DDX1: variants seen among roughly 807,000 people sequenced by gnomAD.
DDX1 encodes ATP-dependent RNA helicase DDX1.
Under a neutral mutation model 108.7 loss-of-function variants are expected in DDX1, and 28 were observed. That is an observed-to-expected ratio of 0.26 (90% CI 0.19 to 0.35). The LOEUF (loss-of-function observed/expected upper bound fraction) is 0.35. Among genes scored for constraint, DDX1 ranks in the 10% least tolerant of loss-of-function variants. The pLI is 1.00. For synonymous variants in DDX1, 295 were observed against 288.9 expected, an observed-to-expected ratio of 1.02 and a Z score of -0.21; for missense variants, 710 against 884.5, an observed-to-expected ratio of 0.80 and a Z score of 2.50.
intron 1 of DDX1, among the ~76,000 whole-genome samples, chr2:15,593,814 T>G (rs1157825390): frequency 6.6e-6 from 1 of 151,996 alleles, no homozygotes; most frequent in Non-Finnish European, 1.5e-5. Context: ...CAGTGGCTTA[T>G]GCCTGTAATC....
rs1334787568 is a variant in DDX1 at position 15,592,900 on chromosome 2, A to AT, written c.16+959dup. Among the ~76,000 whole-genome samples the AT allele has an allele frequency of 8.9e-5, 4 of 44,736 alleles. No homozygotes were observed. The East Asian group carries it at 4.8e-3, about 54-fold the overall frequency. 29.3% of individuals were successfully genotyped at this position (44,736 alleles called of 152,430 possible). A position where few individuals can be genotyped will look rare whatever the true frequency, so the allele number is the denominator to read the frequency against. ...TTCCATATCTCCAGTCATGTAAGAT[A>AT]TTTTTTTTCTTTTTTGGGGGGGAGA... is the stretch of plus-strand genomic sequence containing the variant. On this transcript the variant is annotated intron_variant, in intron 1 of 25. Transcript: ENST00000233084.
chr2:15,608,119 A>G (rs552321524), intron 13 of DDX1, among the ~76,000 whole-genome samples: 42 of 152,362 alleles, frequency 2.8e-4, no homozygotes, highest in African/African-American at 8.9e-4. Context: ...GAAGAAGGCT[A>G]TACCATATAA....
intron 7 of DDX1, 113 bp downstream of exon 7, chr2:15,602,744 G>T (rs1665606928): frequency 2.6e-6 from 2 of 769,638 alleles, no homozygotes; most frequent in Non-Finnish European, 4.2e-6. Flanking sequence ...ACGTCGCCCG[G>T]GCTGGAGGGC....
At chr2:15,612,788 C>T (rs1416082291) in intron 13 of DDX1, among the ~76,000 whole-genome samples, 1 of 152,346 alleles carries the variant, frequency 6.6e-6, no homozygotes, top group Admixed American at 6.5e-5. Flanking sequence ...GCGGATCACT[C>T]GCGGTTAGGA....
At position 15,595,631 on chromosome 2, in the gene DDX1, A is replaced by G. The variant is rs1665485102; in HGVS notation, c.132+78A>G. ...TGCATAGGCTTACAAATGCTACTTT[A>G]CCTTTATTCACAAACATTTATGATA... On this transcript the variant is annotated intron_variant, in intron 3 of 25. Coordinates refer to ENST00000233084, the MANE Select transcript of DDX1 (RefSeq NM_004939.3). 8 of 979,822 alleles carry G rather than the reference A, an allele frequency of 8.2e-6. No homozygotes were observed. In the East Asian group the frequency reaches 1.9e-4, roughly 23 times the overall value. 60.7% of individuals were successfully genotyped at this position (979,822 alleles called of 1,614,324 possible). A position where few individuals can be genotyped will look rare whatever the true frequency, so the allele number is the denominator to read the frequency against.
chr2:15,611,714 A>G (rs1354813043), intron 13 of DDX1, among the ~76,000 whole-genome samples: 4 of 99,252 alleles, frequency 4.0e-5, no homozygotes, highest in Admixed American at 1.9e-4. Flanking sequence ...TCCCTCCCGG[A>G]CGGGGCGACT....
chr2:15,611,493 G>T, intron 13 of DDX1, among the ~76,000 whole-genome samples: 1 of 144,860 alleles, frequency 6.9e-6, no homozygotes, highest in Admixed American at 6.8e-5. Flanking sequence ...TCCCGGACGG[G>T]GCGGCTGGCC....
At chr2:15,628,265 T>G (rs1474369851) in intron 20 of DDX1, among the ~76,000 whole-genome samples, 180 bp from the exon 21 acceptor site, 1 of 152,228 alleles carries the variant, frequency 6.6e-6, no homozygotes, top group Non-Finnish European at 1.5e-5. Flanking sequence ...ATGTCATGTT[T>G]CAGCAGATCA....
At chr2:15,605,691 G>A (rs907301311) in intron 10 of DDX1, among the ~76,000 whole-genome samples, 61 of 152,202 alleles carry the variant, frequency 4.0e-4, no homozygotes, top group African/African-American at 1.4e-3. Context: ...GTGTTTTACT[G>A]TGAGAGTATG....
At chr2:15,606,287 G>T in intron 12 of DDX1, 23 bp downstream of exon 12, 1 of 1,531,146 alleles carries the variant, frequency 6.5e-7, no homozygotes, top group South Asian at 1.1e-5. Context: ...CAAGGGTAAG[G>T]ATTTCTAGAA....
Position 15,595,151 on chromosome 2 carries a change from G to A in DDX1, c.23G>A (p.Gly8Asp). 6.2e-7 allele frequency: 1 copy of A among 1,610,614 alleles called. No individual in the cohort carries two copies. Among genetic ancestry groups the A allele is most frequent in the Non-Finnish European group, 8.5e-7 (1 of 1,178,176 alleles). Reference sequence around the variant, plus strand: ...AATTAATTTTTACTTTCAGAGATGGGTGTAATGCCTGAGATTGCACAAGCT... The same window carrying A: ...AATTAATTTTTACTTTCAGAGATGGATGTAATGCCTGAGATTGCACAAGCT... The part of the protein sequence containing the change: MAAFSEM[G>D]VMPEIAQAVE... The change falls in exon 2 of 26, where the codon GGT becomes GAT. Residue 8 changes from glycine to aspartate, a missense_variant. This residue lies in a region of DDX1 where 48 missense variants were observed against 57.5 expected (regional missense o/e 0.83). Transcript: ENST00000233084.
At chr2:15,629,005 A>G (rs574834305) in intron 23 of DDX1, among the ~76,000 whole-genome samples, 166 bp downstream of exon 23, 1 of 152,332 alleles carries the variant, frequency 6.6e-6, no homozygotes, top group African/African-American at 2.4e-5. Context: ...ATGGACAAAT[A>G]ATAGGGTGAA....
chr2:15,607,682 A>G (rs1665687703), intron 13 of DDX1, among the ~76,000 whole-genome samples: 1 of 152,002 alleles, frequency 6.6e-6, no homozygotes, highest in South Asian at 2.1e-4. Context: ...GACCTCCTGG[A>G]CTCAAGCAGT....
At chr2:15,595,035 ACTGAGCTATC>A in intron 1 of DDX1, 100 bp from the exon 2 acceptor site, 1 of 780,764 alleles carries the variant, frequency 1.3e-6, no homozygotes, top group African/African-American at 1.8e-5. Context: ...ATTTGATGTA[ACTGAGCTATC>A]CTTCAAAATC....
chr2:15,614,001 G>A (rs59734551), intron 14 of DDX1, among the ~76,000 whole-genome samples: 36,665 of 151,786 alleles, frequency 0.24, 5,484 homozygotes, highest in African/African-American at 0.43. Flanking sequence ...CATGTTGGCT[G>A]ATTTTTTTGT....
intron 15 of DDX1, 126 bp from the exon 16 acceptor site, chr2:15,618,054 TG>T: frequency 1.9e-6 from 1 of 514,574 alleles, no homozygotes; most frequent in East Asian, 2.8e-5. Flanking sequence ...TATAGGACTA[TG>T]TATATGCATG....
chr2:15,628,500 T>C lies in DDX1; in HGVS notation c.1742T>C (p.Ile581Thr). Residue 581 changes from isoleucine (I) to threonine (T), a missense_variant, in exon 21 of 26, where the codon ATC becomes ACC. By Grantham distance (89) the Ile-to-Thr change is moderately conservative. Around this residue, in one of 3 missense-constraint regions of DDX1, gnomAD observed 661 missense variants for 810.2 expected, o/e 0.82. Transcript: ENST00000233084. ...GATGTAGCTGCTAGAGGAATTGATA[T>C]CCACGGTGTTCCTTATGGTAAAAAG... is the stretch of plus-strand genomic sequence containing the variant. ...CTDVAARGID[I>T]HGVPYVINVT... is the part of the protein sequence containing the mutation. The C allele has an allele frequency of 2.5e-6, 4 of 1,613,206 alleles. No individual in the cohort carries two copies. Among genetic ancestry groups the C allele is most frequent in the East Asian group, 4.5e-5 (2 of 44,830 alleles).
intron 23 of DDX1, 56 bp from the exon 24 acceptor site, chr2:15,629,546 T>C: frequency 7.9e-7 from 1 of 1,258,078 alleles, no homozygotes; most frequent in Non-Finnish European, 1.1e-6. Flanking sequence ...TAGAATAAGA[T>C]ATTTAGCATG....
At chr2:15,609,647 T>A (rs1026429855) in intron 13 of DDX1, among the ~76,000 whole-genome samples, 11 of 152,270 alleles carry the variant, frequency 7.2e-5, no homozygotes, top group Non-Finnish European at 1.0e-4. Flanking sequence ...GTGCTTTGCG[T>A]ATAAGCATCA....
Sources: allele counts gnomAD v4.1 joint callset (sites outside exome capture counted in the v4.1 genomes callset), GRCh38; gene constraint gnomAD v4.1.1; regional missense constraint gnomAD v4.1.1; transcripts MANE v1.5; gene names NCBI Gene and HGNC (gene_info 2026-07-23, HGNC 2026-07-21).